Variants in SLC6A11 observed in about 807,000 individuals in gnomAD.
SLC6A11 encodes the protein solute carrier family 6 member 11.
SLC6A11 carries 25 observed loss-of-function variants against 74.8 expected under a neutral mutation model. The observed-to-expected ratio is 0.33, with a 90% CI of 0.24 to 0.47. The LOEUF (loss-of-function observed/expected upper bound fraction) is 0.47, where lower values mean the gene tolerates loss of function less well. Ranked by LOEUF, SLC6A11 falls within the 20% of genes least tolerant of loss-of-function variation. The probability of loss-of-function intolerance (pLI) is 1.00; values close to 1 mark genes in which losing one functional copy is unlikely to be tolerated. For missense variants in SLC6A11, 574 were observed against 837.0 expected (o/e 0.69, Z 3.88); for synonymous variants, 330 against 330.2 (o/e 1.00, Z 0.01).
At chr3:10,929,475 G>A (rs1695655259) in intron 10 of SLC6A11, 136 bp downstream of exon 10, 1 of 903,948 alleles carries the variant, frequency 1.1e-6, no homozygotes, top group Non-Finnish European at 1.7e-6. Flanking sequence ...CTCCTAGCGG[G>A]TCATGGTGAG....
At chr3:10,841,863 A>G (rs1694442305) in intron 4 of SLC6A11, among the ~76,000 whole-genome samples, 1 of 152,168 alleles carries the variant, frequency 6.6e-6, no homozygotes. Flanking sequence ...ACGCGTGCAT[A>G]CACCCTGGCT....
chr3:10,916,330 A>G (rs1695453912), intron 7 of SLC6A11, among the ~76,000 whole-genome samples: 1 of 152,228 alleles, frequency 6.6e-6, no homozygotes, highest in Non-Finnish European at 1.5e-5. Flanking sequence ...TGTATCAGTC[A>G]TCCATGGCCA....
chr3:10,863,530 T>G (rs917451170), intron 5 of SLC6A11, among the ~76,000 whole-genome samples: 2 of 152,216 alleles, frequency 1.3e-5, no homozygotes, highest in African/African-American at 4.8e-5. Flanking sequence ...ATGTGAACTT[T>G]GATTTTCTGA....
chr3:10,821,060 T>G (rs1321668365), intron 3 of SLC6A11, among the ~76,000 whole-genome samples: 1 of 152,170 alleles, frequency 6.6e-6, no homozygotes, highest in Non-Finnish European at 1.5e-5. Flanking sequence ...CCCCTGGCTG[T>G]TGCATTTTGT....
intron 5 of SLC6A11, among the ~76,000 whole-genome samples, chr3:10,856,483 G>A (rs1694639622): frequency 6.6e-6 from 1 of 152,228 alleles, no homozygotes; most frequent in Non-Finnish European, 1.5e-5. Flanking sequence ...TCAGGCGAGT[G>A]TTGGCAAATC....
At chr3:10,868,136 G>A (rs918790164) in intron 5 of SLC6A11, among the ~76,000 whole-genome samples, 6 of 152,144 alleles carry the variant, frequency 3.9e-5, no homozygotes, top group East Asian at 1.9e-4. Context: ...TTGCCTCTTC[G>A]TAGATGGTAA....
At chr3:10,842,635 C>T (rs1272234568) in intron 4 of SLC6A11, among the ~76,000 whole-genome samples, 2 of 152,106 alleles carry the variant, frequency 1.3e-5, no homozygotes, top group Admixed American at 1.3e-4. Context: ...TTTTGGTCCA[C>T]CTTATCCTAG....
intron 4 of SLC6A11, among the ~76,000 whole-genome samples, chr3:10,836,905 A>T (rs957510495): frequency 4.6e-5 from 7 of 152,210 alleles, no homozygotes; most frequent in African/African-American, 1.7e-4. Context: ...TTTACAAATG[A>T]CCTGTGGTTG....
chr3:10,938,666 A>G lies in SLC6A11; in HGVS notation c.*264A>G, dbSNP rs1457621377. 2 of 316,830 alleles carry G rather than the reference A, an allele frequency of 6.3e-6. No homozygotes were observed. The highest frequency in any genetic ancestry group is 1.2e-5 in the Non-Finnish European group (2 of 173,848). 19.6% of individuals were successfully genotyped at this position (316,830 alleles called of 1,614,324 possible). A position where few individuals can be genotyped will look rare whatever the true frequency, so the allele number is the denominator to read the frequency against. ...TTCTGTCCTAGGGCAGTTTTAATCA[A>G]TGTTTTCTAGGGATTAGGAAGAAGT... On this transcript the variant is annotated 3_prime_UTR_variant, in exon 14 of 14. Transcript: ENST00000254488.
At chr3:10,823,654 G>T (rs1321574593) in intron 4 of SLC6A11, 9 of 416,972 alleles carry the variant, frequency 2.2e-5, no homozygotes, top group Admixed American at 1.1e-4. Flanking sequence ...GAAGTACTTG[G>T]TGAAAGGATA....
intron 5 of SLC6A11, among the ~76,000 whole-genome samples, chr3:10,855,550 T>A (rs1694629141): frequency 6.6e-6 from 1 of 152,170 alleles, no homozygotes; most frequent in East Asian, 1.9e-4. Flanking sequence ...GCCTCTTGTG[T>A]CTCTGTCAAG....
intron 6 of SLC6A11, among the ~76,000 whole-genome samples, chr3:10,893,574 C>T (rs1695132093): frequency 1.3e-5 from 2 of 152,144 alleles, no homozygotes; most frequent in Admixed American, 1.3e-4. Flanking sequence ...TCCTCAGTTT[C>T]CCCCCACTGA....
intron 6 of SLC6A11, among the ~76,000 whole-genome samples, chr3:10,877,790 T>C (rs1288434445): frequency 6.6e-6 from 1 of 152,178 alleles, no homozygotes; most frequent in African/African-American, 2.4e-5. Context: ...TGGAGCAACA[T>C]TGGGCCTGCT....
chr3:10,912,258 C>T, intron 7 of SLC6A11, 65 bp downstream of exon 7: 1 of 1,112,782 alleles, frequency 9.0e-7, no homozygotes, highest in Non-Finnish European at 1.4e-6. Flanking sequence ...ACCTGCCAGG[C>T]TAGTTTATGT....
At position 10,913,854 on chromosome 3, in the gene SLC6A11, C is replaced by T. The variant is rs530779061; in HGVS notation, c.995+1661C>T. ...GACTACAGGCGCCCGCCACCACGCC[C>T]GGCTAATTTTTTGTATTTTTAGTAG... On this transcript the variant is annotated intron_variant, in intron 7 of 13. Transcript: ENST00000254488. Among the ~76,000 whole-genome samples, 21 of 152,186 alleles carry T rather than the reference C, an allele frequency of 1.4e-4. 1 individual carries two copies. The highest frequency in any genetic ancestry group is 3.4e-3 in the Middle Eastern group (1 of 294).
chr3:10,818,032 C>T (rs1214719833), intron 1 of SLC6A11, among the ~76,000 whole-genome samples: 1 of 149,744 alleles, frequency 6.7e-6, no homozygotes, highest in Non-Finnish European at 1.5e-5. Flanking sequence ...AAGCAGAAAA[C>T]ACGGTAAATT....
chr3:10,821,128 G>A (rs1694133554), intron 3 of SLC6A11, among the ~76,000 whole-genome samples: 1 of 152,104 alleles, frequency 6.6e-6, no homozygotes, highest in Non-Finnish European at 1.5e-5. Context: ...TTTGGCCAGG[G>A]AACTCATAGA....
At position 10,816,424 on chromosome 3, in the gene SLC6A11, GAAC is replaced by G. The variant is rs1281405770; in HGVS notation, c.165_167del (p.Asn55del). The stretch of plus-strand genomic sequence containing the variant: ...AGGCGGTCCACGAGCGCGGCCACTG[GAAC>G]AACAAGGTGGAGTTCGTGCTGAGCG... On this transcript the variant is annotated inframe_deletion, in exon 1 of 14. Coordinates refer to ENST00000254488, the MANE Select transcript of SLC6A11 (RefSeq NM_014229.3). This position sits in a 1 kb window ranked among gnomAD's most constrained non-coding sequence, Gnocchi z 4.2. 1 of 1,600,930 alleles carries G rather than the reference GAAC, an allele frequency of 6.2e-7. No homozygotes were observed. Among genetic ancestry groups the G allele is most frequent in the Non-Finnish European group, 8.5e-7 (1 of 1,174,376 alleles).
chr3:10,824,009 T>A (rs547140587), intron 4 of SLC6A11: 1 of 152,898 alleles, frequency 6.5e-6, no homozygotes, highest in African/African-American at 2.4e-5. Flanking sequence ...TTATAAGTAG[T>A]ACTTGTGTGG....
Sources: gnomAD v4.1 joint callset for allele counts (sites outside exome capture counted in the v4.1 genomes callset) on GRCh38, gnomAD v4.1.1 for gene constraint, Gnocchi (gnomAD v3.1) non-coding constraint, MANE v1.5 for transcripts, NCBI Gene and HGNC (gene_info 2026-07-23, HGNC 2026-07-21) for gene names.